Variants in MEGF11 observed in about 807,000 individuals in gnomAD.
MEGF11 encodes multiple epidermal growth factor-like domains protein 11.
MEGF11 carries 126 observed loss-of-function variants against 146.6 expected under a neutral mutation model. The observed-to-expected ratio is 0.86, with a 90% CI of 0.74 to 1.00. The LOEUF is 1.00. Among genes scored for constraint, MEGF11 ranks in the 50% least tolerant of loss-of-function variants. The pLI is 0.00. For synonymous variants in MEGF11, 532 were observed against 583.4 expected (o/e 0.91, Z 1.27); for missense variants, 1,509 against 1,521.2 (o/e 0.99, Z 0.13).
intron 10 of MEGF11, among the ~76,000 whole-genome samples, chr15:65,954,984 T>A (rs2080529918): frequency 6.6e-6 from 1 of 152,138 alleles, no homozygotes; most frequent in Non-Finnish European, 1.5e-5. Flanking sequence ...CTCCTACTTT[T>A]CCCCTTTTCC....
At chr15:66,077,445 G>A (rs1299751696) in intron 5 of MEGF11, among the ~76,000 whole-genome samples, 1 of 152,194 alleles carries the variant, frequency 6.6e-6, no homozygotes, top group African/African-American at 2.4e-5. Flanking sequence ...CCCCATAGGT[G>A]AGAAGCATTG....
intron 1 of MEGF11, among the ~76,000 whole-genome samples, chr15:66,159,372 A>T (rs1185864916): frequency 6.6e-6 from 1 of 152,196 alleles, no homozygotes; most frequent in African/African-American, 2.4e-5. Context: ...GGAGCCACAG[A>T]GGTCAGGGAA....
chr15:66,024,140 C>T (rs2140194222), intron 5 of MEGF11, among the ~76,000 whole-genome samples: 1 of 152,348 alleles, frequency 6.6e-6, no homozygotes, highest in South Asian at 2.1e-4. Flanking sequence ...ATCTTGCTGA[C>T]CCAGCAGTCT....
chr15:66,072,082 C>T (rs1437687797), intron 5 of MEGF11, among the ~76,000 whole-genome samples: 2 of 152,194 alleles, frequency 1.3e-5, no homozygotes, highest in East Asian at 1.9e-4. Context: ...GATGCCTTCG[C>T]GTCCCCAGCC....
Position 66,044,850 on chromosome 15 carries a change from CAAAAAAAAAAA to C in MEGF11, c.394+49541_394+49551del, listed in dbSNP as rs140901440. Among the ~76,000 whole-genome samples, 13 of 90,714 alleles carry C rather than the reference CAAAAAAAAAAA, an allele frequency of 1.4e-4. 1 individual carries two copies. The highest frequency in any genetic ancestry group is 8.9e-4 in the East Asian group (2 of 2,246). The allele number at this position is 90,714 out of a possible 152,430, so 59.5% of individuals were successfully genotyped here. Reference sequence around the variant, plus strand: ...CCTGGATGACAGTGAGACCTTATCTCAAAAAAAAAAAAAAAAAAAAAAAAAAAAAAGAAATT... The same window carrying C: ...CCTGGATGACAGTGAGACCTTATCTCAAAAAAAAAAAAAAAAAAAGAAATT... On this transcript the variant is annotated intron_variant, in intron 5 of 25. Coordinates refer to ENST00000395614, the MANE Select transcript of MEGF11 (RefSeq NM_001385028.1).
intron 1 of MEGF11, among the ~76,000 whole-genome samples, chr15:66,129,319 T>A (rs1453615907): frequency 6.6e-6 from 1 of 152,214 alleles, no homozygotes; most frequent in Non-Finnish European, 1.5e-5. Context: ...GGTTGCGACC[T>A]GGTGGGTCGC....
At chr15:66,021,087 C>T (rs1293073059) in intron 5 of MEGF11, among the ~76,000 whole-genome samples, 2 of 150,290 alleles carry the variant, frequency 1.3e-5, no homozygotes, top group South Asian at 2.1e-4. Context: ...GTCTCCACAC[C>T]GTCCAGGAGG....
intron 1 of MEGF11, among the ~76,000 whole-genome samples, chr15:66,184,740 A>G (rs1041004562): frequency 6.6e-6 from 1 of 151,040 alleles, no homozygotes; most frequent in Non-Finnish European, 1.5e-5. Flanking sequence ...AGTTCTCCCA[A>G]AGCACCGTGT....
At chr15:66,135,771 C>T (rs1490176211) in intron 1 of MEGF11, among the ~76,000 whole-genome samples, 1 of 152,168 alleles carries the variant, frequency 6.6e-6, no homozygotes, top group Admixed American at 6.5e-5. Context: ...GCTCAGAGAG[C>T]CATACTTCCC....
At position 65,949,610 on chromosome 15, in the gene MEGF11, C is replaced by A. The variant is rs564046571; in HGVS notation, c.1287+7937G>T. ...CCCTCTCCTCTGCTTCCCGCATTCC[C>A]GTCTCCATCACAGTGGAGCTGAAAG... is the stretch of plus-strand genomic sequence containing the variant. On this transcript the variant is annotated intron_variant, in intron 10 of 25. Coordinates refer to ENST00000395614, the MANE Select transcript of MEGF11 (RefSeq NM_001385028.1). Among the ~76,000 whole-genome samples, 3 of 152,252 alleles carry A rather than the reference C, an allele frequency of 2.0e-5. No individual in the cohort carries two copies. The South Asian group carries it at 6.2e-4, about 32-fold the overall frequency.
chr15:66,124,470 C>G (rs2088231772), intron 2 of MEGF11, among the ~76,000 whole-genome samples: 1 of 152,188 alleles, frequency 6.6e-6, no homozygotes, highest in South Asian at 2.1e-4. Flanking sequence ...AGTGACTTGC[C>G]CAGCTCACAC....
At chr15:66,137,927 T>C (rs1393361561) in intron 1 of MEGF11, among the ~76,000 whole-genome samples, 1 of 152,144 alleles carries the variant, frequency 6.6e-6, no homozygotes, top group Admixed American at 6.5e-5. Context: ...GGCACAGTGA[T>C]GCATGCCTGC....
chr15:65,980,458 C>T (rs1235806674), intron 7 of MEGF11, among the ~76,000 whole-genome samples: 3 of 122,750 alleles, frequency 2.4e-5, no homozygotes, highest in Non-Finnish European at 4.7e-5. Flanking sequence ...GGCTGGAGTG[C>T]AGCAAATTGA....
intron 5 of MEGF11, among the ~76,000 whole-genome samples, chr15:66,048,291 G>A (rs1289236114): frequency 6.6e-6 from 1 of 152,240 alleles, no homozygotes; most frequent in South Asian, 2.1e-4. Context: ...AAGGCTCACA[G>A]GAGCAGGGGT....
In MEGF11 at chr15:65,897,792, C is replaced by T. The variant is rs2078386506; in HGVS notation, c.*142G>A. The T allele has an allele frequency of 3.9e-6, 3 of 775,054 alleles. No individual in the cohort carries two copies. The highest frequency in any genetic ancestry group is 1.8e-5 in the African/African-American group (1 of 56,750). The allele number at this position is 775,054 out of a possible 1,614,324, so 48.0% of individuals were successfully genotyped here. A position where few individuals can be genotyped will look rare whatever the true frequency, so the allele number is the denominator to read the frequency against. On this transcript the variant is annotated 3_prime_UTR_variant, in exon 26 of 26. Coordinates refer to ENST00000395614, the MANE Select transcript of MEGF11 (RefSeq NM_001385028.1). ...AACAATTATCCCAGTCCCACCTGGACGCTCTTCTTTAGTTCCAGGTGAACG... is the reference window on the plus strand; with the variant it reads ...AACAATTATCCCAGTCCCACCTGGATGCTCTTCTTTAGTTCCAGGTGAACG...
rs895057231 is a variant in MEGF11 at position 66,021,291 on chromosome 15, T to C, written c.395-38803A>G. Among the ~76,000 whole-genome samples the C allele has an allele frequency of 4.6e-5, 7 of 152,184 alleles. No individual in the cohort carries two copies. The East Asian group carries it at 1.3e-3, about 29-fold the overall frequency. ...CAGGAAGCCATGGGCAGGCCAAATG[T>C]TCCTCTCAGCCTCCGTTTCCCTGTC... On this transcript the variant is annotated intron_variant, in intron 5 of 25. Coordinates refer to ENST00000395614, the MANE Select transcript of MEGF11 (RefSeq NM_001385028.1).
intron 3 of MEGF11, among the ~76,000 whole-genome samples, chr15:66,119,672 ACCC>A (rs2087921688): frequency 2.0e-5 from 3 of 151,148 alleles, no homozygotes; most frequent in Non-Finnish European, 3.0e-5. Flanking sequence ...CAGCAAAAGG[ACCC>A]TTTGAGTCCA....
chr15:66,224,819 C>A (rs1040964002), intron 1 of MEGF11, among the ~76,000 whole-genome samples: 2 of 151,116 alleles, frequency 1.3e-5, no homozygotes, highest in African/African-American at 4.9e-5. Flanking sequence ...AATATTTCCC[C>A]AGATGGGGGA....
intron 5 of MEGF11, among the ~76,000 whole-genome samples, chr15:66,029,207 T>G (rs1290564366): frequency 6.6e-6 from 1 of 151,292 alleles, no homozygotes; most frequent in African/African-American, 2.4e-5. Context: ...TGGGGAGAGG[T>G]TAGATTTTCT....
Sources: gnomAD v4.1 joint callset for allele counts (sites outside exome capture counted in the v4.1 genomes callset) on GRCh38, gnomAD v4.1.1 for gene constraint, MANE v1.5 for transcripts, NCBI Gene and HGNC (gene_info 2026-07-23, HGNC 2026-07-21) for gene names.